Variants in HOXB3 observed in about 807,000 individuals in gnomAD.
The protein encoded by HOXB3 is homeobox protein Hox-B3.
Under a neutral mutation model 29.2 loss-of-function variants are expected in HOXB3, and 17 were observed. The observed-to-expected ratio is 0.58, with a 90% CI of 0.40 to 0.87. The LOEUF (loss-of-function observed/expected upper bound fraction) is 0.87, where lower values mean the gene tolerates loss of function less well. HOXB3 is among the 40% of genes least tolerant of loss of function. The pLI is 0.00. For missense variants in HOXB3, 637 were observed against 616.3 expected, an observed-to-expected ratio of 1.03 and a Z score of -0.35; for synonymous variants, 317 against 285.9, an observed-to-expected ratio of 1.11 and a Z score of -1.10.
At chr17:48,587,436 C>G (rs1158165830) in intron 1 of HOXB3, among the ~76,000 whole-genome samples, 1 of 152,134 alleles carries the variant, frequency 6.6e-6, no homozygotes, top group African/African-American at 2.4e-5. Flanking sequence ...CGAGATTGAC[C>G]AGGTTGGTCC....
At chr17:48,556,614 G>A (rs1183673773) in intron 2 of HOXB3, 1 of 151,770 alleles carries the variant, frequency 6.6e-6, no homozygotes. Flanking sequence ...ACAACAAGCG[G>A]TGAGTGATGA....
intron 4 of HOXB3, among the ~76,000 whole-genome samples, chr17:48,551,801 G>T (rs2068757283): frequency 6.6e-6 from 1 of 152,240 alleles, no homozygotes; most frequent in African/African-American, 2.4e-5. Flanking sequence ...GCCACGCACT[G>T]GGCCTTCTGG....
Position 48,554,551 on chromosome 17 carries a change from G to T in HOXB3, c.-159+980C>A. Reference sequence around the variant, plus strand: ...GGGCTGGGAAGGTTTGTGCACCCGGGTAGTCCCTGGCTGCTGCTGCCAGGC... The same window carrying T: ...GGGCTGGGAAGGTTTGTGCACCCGGTTAGTCCCTGGCTGCTGCTGCCAGGC... On this transcript the variant is annotated intron_variant, in intron 3 of 4. Transcript: ENST00000498678. The surrounding 1 kb of genome is among the most constrained non-coding windows in gnomAD (Gnocchi z 4.1). 2 of 693,434 alleles carry T rather than the reference G, an allele frequency of 2.9e-6. No individual in the cohort carries two copies. The highest frequency in any genetic ancestry group is 5.3e-6 in the Non-Finnish European group (2 of 380,408). The allele number at this position is 693,434 out of a possible 1,614,324, so 43.0% of individuals were successfully genotyped here.
intron 1 of HOXB3, 139 bp downstream of exon 1, chr17:48,589,986 G>A (rs1174901953): frequency 6.6e-6 from 1 of 152,154 alleles, no homozygotes; most frequent in African/African-American, 2.4e-5. Context: ...CAGGCACCCA[G>A]TCCCTTAGAA....
chr17:48,587,873 G>A (rs4793939), intron 1 of HOXB3, among the ~76,000 whole-genome samples: 20,699 of 152,242 alleles, frequency 0.14, 1,519 homozygotes, highest in Non-Finnish European at 0.17. Context: ...GGCCTCAGAG[G>A]GAAAAGAGAA....
At chr17:48,586,211 A>G (rs2070043245) in intron 1 of HOXB3, among the ~76,000 whole-genome samples, 1 of 152,242 alleles carries the variant, frequency 6.6e-6, no homozygotes. Context: ...GGAGACGCCT[A>G]AATCACTGAG....
intron 1 of HOXB3, chr17:48,576,650 T>TTCCC: frequency 4.4e-5 from 25 of 567,762 alleles, no homozygotes; most frequent in South Asian, 2.0e-4. Flanking sequence ...CCCCCTCCTG[T>TTCCC]CCCCCCACCC....
In HOXB3 at chr17:48,550,378, G is replaced by T; in HGVS notation, c.1252C>A (p.Pro418Thr). 2 of 1,614,146 alleles carry T rather than the reference G, an allele frequency of 1.2e-6. No individual in the cohort carries two copies. The highest frequency in any genetic ancestry group is 1.7e-6 in the Non-Finnish European group (2 of 1,180,038). ...TDLSSHHAPP[P>T]QGRIQEAPKL... Reference sequence around the variant, plus strand: ...GGCGCTTCTTGGATTCTACCCTGAGGAGGAGGCGCGTGGTGAGAGGAGAGG... The same window carrying T: ...GGCGCTTCTTGGATTCTACCCTGAGTAGGAGGCGCGTGGTGAGAGGAGAGG... Residue 418 changes from proline to threonine, a missense_variant, in exon 5 of 5, where the codon CCT becomes ACT. Physicochemically the swap from Pro to Thr is conservative, Grantham distance 38 (BLOSUM62 -1). Transcript: ENST00000498678.
At chr17:48,578,263 TGGAG>T in intron 1 of HOXB3, 1 of 1,613,974 alleles carries the variant, frequency 6.2e-7, no homozygotes, top group Non-Finnish European at 8.5e-7. Context: ...ATTCCTCGCA[TGGAG>T]GGAACTTGGG....
chr17:48,584,687 C>T (rs754123072), intron 1 of HOXB3, among the ~76,000 whole-genome samples: 1 of 152,152 alleles, frequency 6.6e-6, no homozygotes, highest in Non-Finnish European at 1.5e-5. Context: ...GAAAATTGCT[C>T]AGAGGGTTCA....
At chr17:48,576,912 CG>C in intron 1 of HOXB3, 1 of 1,614,236 alleles carries the variant, frequency 6.2e-7, no homozygotes. Context: ...CCTCCGGCGC[CG>C]TGTCAGGTAG....
At chr17:48,555,707 G>C in intron 2 of HOXB3, 89 bp from the exon 3 acceptor site, 1 of 681,796 alleles carries the variant, frequency 1.5e-6, no homozygotes, top group South Asian at 1.6e-5. Flanking sequence ...CCCCGGCTGG[G>C]GAGCCCGAGG....
At chr17:48,555,976 GACAC>G (rs906784807) in intron 2 of HOXB3, among the ~76,000 whole-genome samples, 3 of 151,348 alleles carry the variant, frequency 2.0e-5, no homozygotes, top group South Asian at 2.1e-4. Context: ...AAACCACACA[GACAC>G]ACACACACAC....
At chr17:48,556,158 T>A (rs1202427705) in intron 2 of HOXB3, among the ~76,000 whole-genome samples, 1 of 148,142 alleles carries the variant, frequency 6.8e-6, no homozygotes, top group Non-Finnish European at 1.5e-5. Context: ...TTTTTTTTCC[T>A]TAAAGAACAG....
intron 2 of HOXB3, among the ~76,000 whole-genome samples, chr17:48,571,768 A>C (rs1249099379): frequency 6.6e-6 from 1 of 152,212 alleles, no homozygotes; most frequent in African/African-American, 2.4e-5. Flanking sequence ...CTTTGTGCTC[A>C]TCCTCTGTCT....
intron 2 of HOXB3, chr17:48,557,050 GC>G (rs1408127333): frequency 6.6e-6 from 1 of 152,330 alleles, no homozygotes; most frequent in African/African-American, 2.4e-5. Flanking sequence ...GAAGACAGGA[GC>G]CAAAAATGTA....
chr17:48,554,585 C>G lies in HOXB3; in HGVS notation c.-159+946G>C, dbSNP rs764469240. 1 of 699,080 alleles carries G rather than the reference C, an allele frequency of 1.4e-6. No individual in the cohort carries two copies. Among genetic ancestry groups the G allele is most frequent in the South Asian group, 1.5e-5 (1 of 67,448 alleles). The allele number at this position is 699,080 out of a possible 1,614,324, so 43.3% of individuals were successfully genotyped here. A position where few individuals can be genotyped will look rare whatever the true frequency, so the allele number is the denominator to read the frequency against. ...GGCTGCTGCTGCCAGGCTGCCTCAG[C>G]CGGTCGCTGCTGCCGCGGCGACTGG... On this transcript the variant is annotated intron_variant, in intron 3 of 4. Transcript: ENST00000498678. The surrounding 1 kb of genome is among the most constrained non-coding windows in gnomAD (Gnocchi z 4.1).
chr17:48,571,562 A>T (rs1405272794), intron 2 of HOXB3, among the ~76,000 whole-genome samples: 2 of 152,200 alleles, frequency 1.3e-5, no homozygotes, highest in Admixed American at 1.3e-4. Context: ...GGCTTCCCTG[A>T]CTATGGTCTC....
intron 3 of HOXB3, 142 bp downstream of exon 3, chr17:48,555,389 G>GGAGA (rs1192173176): frequency 1.5e-5 from 7 of 467,660 alleles, no homozygotes; most frequent in Middle Eastern, 4.3e-4. Flanking sequence ...AGGGAGGGAG[G>GGAGA]GAGAGAGAGA....
Sources: gnomAD v4.1 joint callset for allele counts (sites outside exome capture counted in the v4.1 genomes callset) on GRCh38, gnomAD v4.1.1 for gene constraint, Gnocchi (gnomAD v3.1) non-coding constraint, MANE v1.5 for transcripts, NCBI Gene and HGNC (gene_info 2026-07-23, HGNC 2026-07-21) for gene names.